ST18: variants seen among roughly 807,000 people sequenced by gnomAD.
The protein encoded by ST18 is suppression of tumorigenicity 18 protein.
A neutral mutation model predicts 110.0 loss-of-function variants in ST18; 50 were observed. The observed-to-expected ratio is 0.45, with a 90% CI of 0.36 to 0.58. The LOEUF is 0.58. Among genes scored for constraint, ST18 ranks in the 20% least tolerant of loss-of-function variants. ST18 has a pLI of 0.00. For synonymous variants in ST18, 461 were observed against 452.4 expected, an observed-to-expected ratio of 1.02 and a Z score of -0.24; for missense variants, 1,306 against 1,280.1, an observed-to-expected ratio of 1.02 and a Z score of -0.31.
intron 23 of ST18, among the ~76,000 whole-genome samples, chr8:52,123,013 A>G (rs2045590645): frequency 6.6e-6 from 1 of 152,154 alleles, no homozygotes. Flanking sequence ...ATCAATTATC[A>G]TAACTTCTGC....
intron 3 of ST18, among the ~76,000 whole-genome samples, chr8:52,222,716 C>CA (rs2087372895): frequency 6.6e-6 from 1 of 152,158 alleles, no homozygotes; most frequent in Admixed American, 6.5e-5. Flanking sequence ...CTAGTCCCTG[C>CA]ATGTGCACTA....
At chr8:52,347,338 G>A (rs1174294953) in intron 2 of ST18, among the ~76,000 whole-genome samples, 1 of 152,202 alleles carries the variant, frequency 6.6e-6, no homozygotes, top group Admixed American at 6.5e-5. Context: ...AGTATAAATT[G>A]ATGAGAAGTG....
At chr8:52,244,050 C>A (rs2093655195) in intron 2 of ST18, among the ~76,000 whole-genome samples, 1 of 152,156 alleles carries the variant, frequency 6.6e-6, no homozygotes, top group Non-Finnish European at 1.5e-5. Flanking sequence ...CCCTTGGATC[C>A]TCCAGTTGAT....
intron 2 of ST18, among the ~76,000 whole-genome samples, chr8:52,351,161 A>G (rs1189419932): frequency 6.6e-6 from 1 of 152,206 alleles, no homozygotes; most frequent in Non-Finnish European, 1.5e-5. Flanking sequence ...CCAACACATT[A>G]TTTGGCGTAA....
intron 2 of ST18, among the ~76,000 whole-genome samples, chr8:52,266,004 G>A (rs943169310): frequency 2.6e-5 from 4 of 152,190 alleles, no homozygotes; most frequent in Admixed American, 6.5e-5. Flanking sequence ...AGAGGAAACC[G>A]TTGATTAAGA....
intron 2 of ST18, among the ~76,000 whole-genome samples, chr8:52,277,873 C>T (rs964633283): frequency 6.6e-6 from 1 of 152,100 alleles, no homozygotes; most frequent in African/African-American, 2.4e-5. Flanking sequence ...CTTTTATTTT[C>T]TGTGTTATCA....
intron 2 of ST18, among the ~76,000 whole-genome samples, chr8:52,398,450 C>T (rs1223205207): frequency 1.3e-5 from 2 of 152,156 alleles, no homozygotes; most frequent in African/African-American, 2.4e-5. Context: ...CAGTACTAGG[C>T]TGAATGAAGT....
intron 16 of ST18, among the ~76,000 whole-genome samples, chr8:52,147,203 A>G (rs2057547255): frequency 6.6e-6 from 1 of 152,246 alleles, no homozygotes. Flanking sequence ...ATTTGCTGGG[A>G]AATGAAACAC....
chr8:52,159,828 G>A (rs932790776), intron 14 of ST18, among the ~76,000 whole-genome samples: 3 of 152,150 alleles, frequency 2.0e-5, no homozygotes, highest in African/African-American at 7.2e-5. Context: ...TGGGTACCAA[G>A]GCATTACTGA....
rs937377564 is a variant in ST18 at position 52,332,222 on chromosome 8, A to G, written c.-465+77106T>C. Reference sequence around the variant, plus strand: ...ATCAAATTACTATTTTGGATAAATAATATTTGTAATGGGGTAGAAATATAT... The same window carrying G: ...ATCAAATTACTATTTTGGATAAATAGTATTTGTAATGGGGTAGAAATATAT... On this transcript the variant is annotated intron_variant, in intron 2 of 25. Coordinates refer to ENST00000689386, the MANE Select transcript of ST18 (RefSeq NM_001352837.2). Among the ~76,000 whole-genome samples the G allele has an allele frequency of 5.9e-5, 9 of 152,262 alleles. 2 individuals are homozygous for G. The East Asian group carries it at 1.7e-3, about 29-fold the overall frequency.
rs368761922 is a variant in ST18, at chr8:52,137,552, A to G, written c.2169-69T>C. The G allele has an allele frequency of 1.5e-5, 23 of 1,514,646 alleles. No individual in the cohort carries two copies. In the African/African-American group the frequency reaches 2.7e-4, roughly 18 times the overall value. The allele number at this position is 1,514,646 out of a possible 1,614,324, so 93.8% of individuals were successfully genotyped here. A position where few individuals can be genotyped will look rare whatever the true frequency, so the allele number is the denominator to read the frequency against. On this transcript the variant is annotated intron_variant, in intron 17 of 25. Coordinates refer to ENST00000689386, the MANE Select transcript of ST18 (RefSeq NM_001352837.2). ...CAGGTTCATTTCCTCTGCCCAGTAG[A>G]TTACGGAGGAGGTAGCTTCTCTGTG...
chr8:52,361,254 A>C (rs188154237), intron 2 of ST18, among the ~76,000 whole-genome samples: 34 of 152,362 alleles, frequency 2.2e-4, no homozygotes, highest in Admixed American at 1.5e-3. Flanking sequence ...TCAAACAAGA[A>C]GCAAGAAGTG....
Sources: gnomAD v4.1 joint callset for allele counts (sites outside exome capture counted in the v4.1 genomes callset) on GRCh38, gnomAD v4.1.1 for gene constraint, MANE v1.5 for transcripts, NCBI Gene and HGNC (gene_info 2026-07-23, HGNC 2026-07-21) for gene names.